MTIF2: variants seen among roughly 807,000 people sequenced by gnomAD.
MTIF2 encodes the protein translation initiation factor IF-2, mitochondrial.
Under a neutral mutation model 83.5 loss-of-function variants are expected in MTIF2, and 71 were observed. The observed-to-expected ratio is 0.85, with a 90% confidence interval of 0.70 to 1.04. The LOEUF is 1.04. Ranked by LOEUF, MTIF2 falls within the 50% of genes least tolerant of loss-of-function variation. The probability of loss-of-function intolerance (pLI) is 0.00; values close to 1 mark genes in which losing one functional copy is unlikely to be tolerated. For synonymous variants in MTIF2, 319 were observed against 287.1 expected (o/e 1.11, Z -1.12); for missense variants, 957 against 846.5 (o/e 1.13, Z -1.62).
At chr2:55,263,097 G>C (rs756533344) in intron 4 of MTIF2, among the ~76,000 whole-genome samples, 2 of 152,152 alleles carry the variant, frequency 1.3e-5, no homozygotes, top group Non-Finnish European at 2.9e-5. Context: ...TCTTGACCTT[G>C]TGATCTGCCC....
intron 9 of MTIF2, among the ~76,000 whole-genome samples, chr2:55,247,808 C>T (rs1038977621): frequency 5.3e-5 from 8 of 152,150 alleles, no homozygotes; most frequent in African/African-American, 1.4e-4. Context: ...ATCTCTGACA[C>T]GCCTCCAAAT....
At chr2:55,237,642 TTTTTTTC>T (rs1266324991) in intron 14 of MTIF2, among the ~76,000 whole-genome samples, 6 of 80,880 alleles carry the variant, frequency 7.4e-5, no homozygotes, top group Non-Finnish European at 1.4e-4. Context: ...TTTCCTTTTC[TTTTTTTC>T]TTTTTTTTTT....
chr2:55,236,975 C>A (rs1675877570), intron 15 of MTIF2, among the ~76,000 whole-genome samples, 155 bp from the exon 16 acceptor site: 2 of 152,060 alleles, frequency 1.3e-5, no homozygotes, highest in African/African-American at 4.8e-5. Flanking sequence ...CCAGGGGAAC[C>A]CCCTCAAAAA....
intron 10 of MTIF2, among the ~76,000 whole-genome samples, chr2:55,244,789 G>A (rs1198047110): frequency 6.6e-6 from 1 of 152,044 alleles, no homozygotes; most frequent in African/African-American, 2.4e-5. Flanking sequence ...GCTCACACCT[G>A]TAATCCCAGT....
At chr2:55,237,248 G>T in intron 15 of MTIF2, 40 bp downstream of exon 15, 1 of 1,582,070 alleles carries the variant, frequency 6.3e-7, no homozygotes, top group South Asian at 1.2e-5. Flanking sequence ...AGGTCTTGGT[G>T]ACTGGATATG....
chr2:55,238,254 C>T (rs1054506767), intron 14 of MTIF2, among the ~76,000 whole-genome samples: 27 of 151,862 alleles, frequency 1.8e-4, no homozygotes, highest in African/African-American at 6.0e-4. Context: ...TGGCCTCAAG[C>T]GATGCTCCTA....
intron 3 of MTIF2, 60 bp from the exon 4 acceptor site, chr2:55,263,925 G>A: frequency 5.5e-6 from 7 of 1,266,572 alleles, no homozygotes; most frequent in Non-Finnish European, 7.9e-6. Flanking sequence ...ATATTAATTG[G>A]ATATTTACTA....
chr2:55,252,717 T>C, intron 7 of MTIF2, 64 bp from the exon 8 acceptor site: 1 of 1,144,066 alleles, frequency 8.7e-7, no homozygotes, highest in Non-Finnish European at 1.2e-6. Context: ...TACCAAAGAA[T>C]ATATGCGACA....
intron 13 of MTIF2, among the ~76,000 whole-genome samples, chr2:55,242,514 T>C (rs1261550022): frequency 4.6e-5 from 7 of 152,192 alleles, no homozygotes. Flanking sequence ...TGTATAAAGT[T>C]ATCAATTACC....
chr2:55,238,295 G>A (rs1479926687), intron 14 of MTIF2, among the ~76,000 whole-genome samples: 2 of 151,648 alleles, frequency 1.3e-5, no homozygotes, highest in South Asian at 4.2e-4. Flanking sequence ...CGGATGACAC[G>A]CTTGAGCCAC....
At chr2:55,248,851 T>G (rs74910171) in intron 9 of MTIF2, among the ~76,000 whole-genome samples, 2,375 of 152,274 alleles carry the variant, frequency 0.016, 19 homozygotes, top group Middle Eastern at 0.037. Flanking sequence ...TAAGACAGTC[T>G]TTGGTCAGGC....
chr2:55,243,794 T>G (rs1435057446), intron 11 of MTIF2, 126 bp from the exon 12 acceptor site: 1 of 1,125,352 alleles, frequency 8.9e-7, no homozygotes, highest in Non-Finnish European at 1.2e-6. Context: ...TTTTATAAGT[T>G]TCAAGAAACA....
At chr2:55,246,307 T>G (rs1198094068) in intron 10 of MTIF2, 30 bp downstream of exon 10, 1 of 1,566,266 alleles carries the variant, frequency 6.4e-7, no homozygotes, top group East Asian at 2.3e-5. Context: ...ACAGAACAAA[T>G]TAAAAAGGCA....
At chr2:55,249,291 AAC>A in intron 9 of MTIF2, 102 bp downstream of exon 9, 1 of 1,446,200 alleles carries the variant, frequency 6.9e-7, no homozygotes, top group Non-Finnish European at 9.3e-7. Flanking sequence ...TTTTAAAAAC[AAC>A]ACAAATTATG....
At chr2:55,256,301 TACACAC>T (rs59068934) in intron 5 of MTIF2, among the ~76,000 whole-genome samples, 165 of 149,502 alleles carry the variant, frequency 1.1e-3, no homozygotes, top group South Asian at 2.7e-3. Flanking sequence ...TACACACATA[TACACAC>T]ACACACACAC....
Position 55,244,128 on chromosome 2 carries a change from TC to T in MTIF2, c.1211del (p.Gly404GlufsTer31). 6.2e-7 allele frequency: 1 copy of T among 1,614,148 alleles called. No individual in the cohort carries two copies. Among genetic ancestry groups the T allele is most frequent in the Non-Finnish European group, 8.5e-7 (1 of 1,180,010 alleles). The stretch of plus-strand genomic sequence containing the variant: ...TGGGATAGGCCTCATCAATTGTTTT[TC>T]CATTTTCATCAAACATTAAGCGTAC... ...AKVRLMFDENGKTIDEAYPSM... is the reference protein window; with the variant it reads ...AKVRLMFDENXKTIDEAYPSM... On this transcript the variant is annotated frameshift_variant, in exon 11 of 16. Transcript: ENST00000263629. LOFTEE classifies it high-confidence loss of function.
intron 8 of MTIF2, among the ~76,000 whole-genome samples, chr2:55,250,328 G>A (rs1042333881): frequency 1.1e-4 from 16 of 151,150 alleles, no homozygotes; most frequent in Admixed American, 6.6e-4. Context: ...TCAAACCCGT[G>A]ATGTTCAAAG....
intron 14 of MTIF2, among the ~76,000 whole-genome samples, chr2:55,238,486 G>A (rs927252745): frequency 2.0e-5 from 3 of 150,890 alleles, no homozygotes; most frequent in African/African-American, 7.3e-5. Context: ...CCGCCTCCTG[G>A]GTTCAAGCGA....
intron 3 of MTIF2, among the ~76,000 whole-genome samples, chr2:55,265,250 A>G (rs891922081): frequency 4.0e-5 from 6 of 151,572 alleles, no homozygotes; most frequent in African/African-American, 1.5e-4. Context: ...TCTTGAAAAA[A>G]AAAAAAAAAA....
Sources: allele counts gnomAD v4.1 joint callset (sites outside exome capture counted in the v4.1 genomes callset), GRCh38; gene constraint gnomAD v4.1.1; transcripts MANE v1.5; gene names NCBI Gene and HGNC (gene_info 2026-07-23, HGNC 2026-07-21).